Variants in NMNAT1 observed in about 807,000 individuals in gnomAD.
NMNAT1 encodes nicotinamide nucleotide adenylyltransferase 1, also known as nicotinamide/nicotinic acid mononucleotide adenylyltransferase 1.
In NMNAT1, 11 loss-of-function variants were observed where a neutral mutation model predicts 16.7. That is an observed-to-expected ratio of 0.66 (90% CI 0.41 to 1.09). The LOEUF is 1.09. Among genes scored for constraint, NMNAT1 ranks in the 50% least tolerant of loss-of-function variants. The pLI is 0.00. For synonymous variants in NMNAT1, 110 were observed against 119.8 expected (o/e 0.92, Z 0.53); for missense variants, 280 against 332.3 (o/e 0.84, Z 1.22).
chr1:9,963,405 A>G (rs957755580), intron 1 of NMNAT1, among the ~76,000 whole-genome samples: 1 of 148,144 alleles, frequency 6.8e-6, no homozygotes. Context: ...TTTTTAACCC[A>G]CTATTTCTTT....
intron 1 of NMNAT1, among the ~76,000 whole-genome samples, chr1:9,962,681 T>TG (rs1458366175): frequency 2.3e-4 from 29 of 125,624 alleles, no homozygotes; most frequent in African/African-American, 7.9e-4. Flanking sequence ...ATAAGGGTTT[T>TG]TTTTTTTTTT....
chr1:9,956,124 T>C (rs1423436693), intron 1 of NMNAT1, among the ~76,000 whole-genome samples: 3 of 151,990 alleles, frequency 2.0e-5, no homozygotes, highest in Non-Finnish European at 4.4e-5. Flanking sequence ...GTAAGAGTTA[T>C]TAGTGTCATC....
At chr1:9,953,519 C>T (rs1324853880) in intron 1 of NMNAT1, among the ~76,000 whole-genome samples, 2 of 151,574 alleles carry the variant, frequency 1.3e-5, no homozygotes, top group East Asian at 3.9e-4. Flanking sequence ...CGGCTGACTG[C>T]AACCTCTGCC....
At chr1:9,971,436 C>T (rs751991370) in intron 1 of NMNAT1, among the ~76,000 whole-genome samples, 5 of 152,040 alleles carry the variant, frequency 3.3e-5, no homozygotes, top group Non-Finnish European at 7.4e-5. Context: ...GCCTCAGCCT[C>T]CCAAGTAGCT....
intron 3 of NMNAT1, among the ~76,000 whole-genome samples, chr1:9,978,111 CT>C (rs1402237017): frequency 6.6e-6 from 1 of 152,084 alleles, no homozygotes; most frequent in Non-Finnish European, 1.5e-5. Context: ...AATCCCAGCA[CT>C]TTGGGAGGCC....
chr1:9,995,750 C>T, the NMNAT1 span, among the ~76,000 whole-genome samples: 11 of 151,796 alleles, frequency 7.2e-5, no homozygotes, highest in Non-Finnish European at 1.0e-4. Context: ...ATAAATACCG[C>T]GGGTGCGGTG....
chr1:9,973,743 G>A (rs1444870710), intron 2 of NMNAT1, among the ~76,000 whole-genome samples: 2 of 147,066 alleles, frequency 1.4e-5, no homozygotes, highest in African/African-American at 5.1e-5. Context: ...TGCATGAATA[G>A]GCTGGGCGTG....
At position 9,978,629 on chromosome 1, in the gene NMNAT1, G is replaced by A. The variant is rs1396561722; in HGVS notation, c.300-2402G>A. 6.6e-5 allele frequency among the ~76,000 whole-genome samples: 10 copies of A among 152,186 alleles called. No individual in the cohort carries two copies. The East Asian group carries it at 1.9e-3, about 29-fold the overall frequency. On this transcript the variant is annotated intron_variant, in intron 3 of 4. Coordinates refer to ENST00000377205, the MANE Select transcript of NMNAT1 (RefSeq NM_022787.4). ...TTGATGGCAAAAAATTCTCCCATGA[G>A]GGAGCAAGTTCCTGGGCCACAGCCC...
At chr1:9,953,265 C>T (rs1298313947) in intron 1 of NMNAT1, among the ~76,000 whole-genome samples, 1 of 149,912 alleles carries the variant, frequency 6.7e-6, no homozygotes, top group Non-Finnish European at 1.5e-5. Context: ...AGGTGTGAGC[C>T]ACTGTGCGCG....
intron 1 of NMNAT1, among the ~76,000 whole-genome samples, chr1:9,971,698 C>G (rs1431240950): frequency 1.3e-5 from 2 of 152,086 alleles, no homozygotes; most frequent in East Asian, 3.9e-4. Context: ...CGTGGTGACT[C>G]ATGCTTGTAA....
chr1:9,981,517 G>A (rs1641949182), intron 4 of NMNAT1: 1 of 197,498 alleles, frequency 5.1e-6, no homozygotes, highest in African/African-American at 2.4e-5. Flanking sequence ...TTACAGGCGT[G>A]AGCCACAGCG....
At chr1:9,990,924 T>A in the NMNAT1 span, among the ~76,000 whole-genome samples, 1 of 152,056 alleles carries the variant, frequency 6.6e-6, no homozygotes, top group Non-Finnish European at 1.5e-5. Flanking sequence ...TAGGAAGATA[T>A]TAGAATTGTA....
At chr1:9,975,821 A>C in intron 3 of NMNAT1, 46 bp downstream of exon 3, 1 of 1,452,248 alleles carries the variant, frequency 6.9e-7, no homozygotes, top group Non-Finnish European at 9.5e-7. Context: ...TAAATGGCTA[A>C]GCGGCTTATG....
chr1:9,955,340 G>T (rs945563863), intron 1 of NMNAT1, among the ~76,000 whole-genome samples: 1 of 150,746 alleles, frequency 6.6e-6, no homozygotes, highest in Non-Finnish European at 1.5e-5. Context: ...GGAGGCGGAG[G>T]TTGCAGTGAG....
downstream of NMNAT1, among the ~76,000 whole-genome samples, chr1:9,989,994 A>T (rs772925509): frequency 6.6e-6 from 1 of 152,114 alleles, no homozygotes; most frequent in Non-Finnish European, 1.5e-5. Flanking sequence ...CGCCTCCCAT[A>T]AGGGGTGGAA....
In NMNAT1 at chr1:9,985,447, C is replaced by G. The variant is rs1642033208; in HGVS notation, c.*2746C>G. ...TCAAAGAATGAAGTTGTAGCCAAAT[C>G]TTGAAATTTTTCATTTACCCTAAGT... On this transcript the variant is annotated 3_prime_UTR_variant, in exon 5 of 5. Coordinates refer to ENST00000377205, the MANE Select transcript of NMNAT1 (RefSeq NM_022787.4). 1 of 152,152 alleles carries G rather than the reference C, an allele frequency of 6.6e-6. No individual in the cohort carries two copies. The highest frequency in any genetic ancestry group is 2.4e-5 in the African/African-American group (1 of 41,440). The allele number at this position is 152,152 out of a possible 1,614,324, so 9.4% of individuals were successfully genotyped here.
chr1:9,979,696 G>A (rs1381807323), intron 3 of NMNAT1, among the ~76,000 whole-genome samples: 1 of 151,504 alleles, frequency 6.6e-6, no homozygotes, highest in Non-Finnish European at 1.5e-5. Flanking sequence ...CAGCTACTCG[G>A]GAGGCTGAAG....
Position 9,981,128 on chromosome 1 carries a change from C to G in NMNAT1, c.397C>G (p.Gln133Glu). ...AAGGAAGAGGAAGTGGACTGAAACA[C>G]AAGATTCTAGTCAAAAGAAATCCCT... ...PGRKRKWTET[Q>E]DSSQKKSLEP... The change falls in exon 4 of 5, where the codon CAA becomes GAA. Residue 133 changes from glutamine (Q) to glutamate (E), a missense_variant. By Grantham distance (29) the Gln-to-Glu change is conservative. Coordinates refer to ENST00000377205, the MANE Select transcript of NMNAT1 (RefSeq NM_022787.4). The G allele has an allele frequency of 6.2e-7, 1 of 1,613,468 alleles. No individual in the cohort carries two copies. Among genetic ancestry groups the G allele is most frequent in the East Asian group, 2.2e-5 (1 of 44,856 alleles).
chr1:9,993,555 A>G, the NMNAT1 span, among the ~76,000 whole-genome samples: 1 of 152,142 alleles, frequency 6.6e-6, no homozygotes, highest in Non-Finnish European at 1.5e-5. Flanking sequence ...TCTGAATTAC[A>G]TTCCTTAAAA....
Sources: allele counts gnomAD v4.1 joint callset (sites outside exome capture counted in the v4.1 genomes callset), GRCh38; gene constraint gnomAD v4.1.1; transcripts MANE v1.5; gene names NCBI Gene and HGNC (gene_info 2026-07-23, HGNC 2026-07-21).